Variants in OSBPL10 observed in about 807,000 individuals in gnomAD.
The protein encoded by OSBPL10 is oxysterol-binding protein-related protein 10.
Under a neutral mutation model 81.7 loss-of-function variants are expected in OSBPL10, and 49 were observed. The ratio of observed to expected loss-of-function variants is 0.60; its 90% CI spans 0.48 to 0.76. The LOEUF is 0.76. OSBPL10 is among the 30% of genes least tolerant of loss of function. The pLI is 0.00. For missense variants in OSBPL10, 923 were observed against 987.8 expected, an observed-to-expected ratio of 0.93 and a Z score of 0.88; for synonymous variants, 419 against 383.6, an observed-to-expected ratio of 1.09 and a Z score of -1.08.
chr3:31,809,535 A>G (rs1489506545), intron 4 of OSBPL10, among the ~76,000 whole-genome samples: 1 of 152,220 alleles, frequency 6.6e-6, no homozygotes, highest in East Asian at 1.9e-4. Context: ...TAAAAGTGCC[A>G]GTAGGGTGGT....
At chr3:31,821,621 A>G (rs934411664) in intron 4 of OSBPL10, among the ~76,000 whole-genome samples, 1 of 152,150 alleles carries the variant, frequency 6.6e-6, no homozygotes, top group African/African-American at 2.4e-5. Flanking sequence ...AAACTGACTT[A>G]TTTTCAGAGA....
rs547419754 is a variant in OSBPL10 at position 31,961,587 on chromosome 3, T to C, written c.281+19312A>G. ...GGGCTGGGCTAATTATTGGTGTCTT[T>C]TGACATTTGTATTTTATTTATTTAT... On this transcript the variant is annotated intron_variant, in intron 1 of 11. Coordinates refer to ENST00000396556, the MANE Select transcript of OSBPL10 (RefSeq NM_017784.5). Among the ~76,000 whole-genome samples the C allele has an allele frequency of 2.4e-4, 37 of 152,144 alleles. 1 individual carries two copies. In the South Asian group the frequency reaches 7.7e-3, roughly 32 times the overall value.
intron 2 of OSBPL10, among the ~76,000 whole-genome samples, chr3:32,004,395 A>C (rs913506671): frequency 6.6e-6 from 1 of 152,220 alleles, no homozygotes; most frequent in Non-Finnish European, 1.5e-5. Context: ...GAAGGATTGC[A>C]TATTAATTCT....
intron 3 of OSBPL10, among the ~76,000 whole-genome samples, chr3:31,842,907 C>T (rs536137279): frequency 2.6e-5 from 4 of 152,120 alleles, no homozygotes; most frequent in African/African-American, 7.2e-5. Context: ...CATAATAGAA[C>T]GCTATCATTT....
intron 4 of OSBPL10, among the ~76,000 whole-genome samples, chr3:31,766,507 T>A (rs1330492859): frequency 1.3e-5 from 2 of 151,846 alleles, no homozygotes; most frequent in African/African-American, 2.4e-5. Flanking sequence ...GACACCCAGA[T>A]AATTTTTATT....
intron 5 of OSBPL10, among the ~76,000 whole-genome samples, chr3:31,741,705 G>A (rs1048045146): frequency 4.6e-5 from 7 of 152,154 alleles, no homozygotes; most frequent in Non-Finnish European, 8.8e-5. Context: ...ATATCCTATT[G>A]ATATGGTTTG....
At chr3:32,009,937 A>T (rs1235643184) in intron 2 of OSBPL10, among the ~76,000 whole-genome samples, 1 of 152,168 alleles carries the variant, frequency 6.6e-6, no homozygotes, top group Non-Finnish European at 1.5e-5. Flanking sequence ...TTATAGGCTG[A>T]ATTGTTTCCC....
At chr3:31,724,109 C>T (rs949994611) in intron 6 of OSBPL10, among the ~76,000 whole-genome samples, 2 of 152,112 alleles carry the variant, frequency 1.3e-5, no homozygotes, top group African/African-American at 4.8e-5. Context: ...TCAGATCTGA[C>T]TTTTTCCCTT....
At chr3:32,026,057 T>TGATAGATAGATAGATA (rs11385805) in intron 2 of OSBPL10, among the ~76,000 whole-genome samples, 16 of 111,344 alleles carry the variant, frequency 1.4e-4, no homozygotes, top group African/African-American at 3.1e-4. Flanking sequence ...GATAGATAGA[T>TGATAGATAGATAGATA]GATAGATAGA....
chr3:31,670,940 G>A lies in OSBPL10; in HGVS notation c.1770C>T (p.Thr590=), dbSNP rs879249481. 6.2e-7 allele frequency: 1 copy of A among 1,613,986 alleles called. No homozygotes were observed. Among genetic ancestry groups the A allele is most frequent in the South Asian group, 1.1e-5 (1 of 91,046 alleles). ...TGGACCGGGCGTAGGCACTAGGCAGGGTGAATACGTACTCCTCCCCGTGTT... is the reference window on the plus strand; with the variant it reads ...TGGACCGGGCGTAGGCACTAGGCAGAGTGAATACGTACTCCTCCCCGTGTT... ...LLEHGEEYVF[T]LPSAYARSIL... is the part of the protein sequence containing the mutation. The change falls in exon 9 of 12, where the codon ACC becomes ACT. Residue 590 remains threonine (T), a synonymous_variant. Coordinates refer to ENST00000396556, the MANE Select transcript of OSBPL10 (RefSeq NM_017784.5).
At chr3:31,929,476 G>GATATTTTACAAAAA (rs1697172528) in intron 1 of OSBPL10, among the ~76,000 whole-genome samples, 1 of 152,098 alleles carries the variant, frequency 6.6e-6, no homozygotes, top group Non-Finnish European at 1.5e-5. Flanking sequence ...GGCCGGGCGC[G>GATATTTTACAAAAA]GTGGCTCACG....
intron 3 of OSBPL10, among the ~76,000 whole-genome samples, chr3:31,841,288 TAA>T (rs1275895938): frequency 6.6e-6 from 1 of 152,230 alleles, no homozygotes; most frequent in Non-Finnish European, 1.5e-5. Context: ...AGGACTTGAG[TAA>T]ACAGAGCCAA....
At chr3:31,932,804 A>G (rs1697285732) in intron 1 of OSBPL10, among the ~76,000 whole-genome samples, 1 of 152,108 alleles carries the variant, frequency 6.6e-6, no homozygotes, top group Non-Finnish European at 1.5e-5. Context: ...CATTTTATCC[A>G]TATTCTTATT....
chr3:31,740,045 CTTTTTT>C (rs33919556), intron 5 of OSBPL10, among the ~76,000 whole-genome samples: 2 of 135,880 alleles, frequency 1.5e-5, no homozygotes, highest in African/African-American at 2.7e-5. Context: ...ATGAATAATA[CTTTTTT>C]TTTTTTTTTT....
chr3:31,688,512 C>T (rs978379687), intron 7 of OSBPL10, among the ~76,000 whole-genome samples: 1 of 152,110 alleles, frequency 6.6e-6, no homozygotes, highest in Non-Finnish European at 1.5e-5. Context: ...TATTAATGCA[C>T]ACGTTTCAAA....
At chr3:31,857,431 A>G (rs1176591183) in intron 3 of OSBPL10, among the ~76,000 whole-genome samples, 3 of 152,106 alleles carry the variant, frequency 2.0e-5, no homozygotes, top group Admixed American at 2.0e-4. Flanking sequence ...AAGACTTTCA[A>G]GTGAAGAATA....
chr3:31,799,399 AAAAAAAAT>A (rs1699320937), intron 4 of OSBPL10, among the ~76,000 whole-genome samples: 1 of 151,080 alleles, frequency 6.6e-6, no homozygotes, highest in Non-Finnish European at 1.5e-5. Flanking sequence ...AAAAAAAAAA[AAAAAAAAT>A]GGAAGAAAGA....
chr3:31,819,057 A>G (rs1699920152), intron 4 of OSBPL10, among the ~76,000 whole-genome samples: 2 of 152,264 alleles, frequency 1.3e-5, no homozygotes, highest in Admixed American at 6.5e-5. Context: ...AAGGACAGAT[A>G]GGACACATCT....
chr3:31,981,188 G>C lies in OSBPL10; in HGVS notation c.-9C>G, dbSNP rs76150980. The C allele has an allele frequency of 0.083, 117,922 of 1,421,172 alleles. 7,855 individuals carry two copies. Among genetic ancestry groups the C allele is most frequent in the East Asian group, 0.44 (14,211 of 32,328 alleles). The allele number at this position is 1,421,172 out of a possible 1,614,324, so 88.0% of individuals were successfully genotyped here. A position where few individuals can be genotyped will look rare whatever the true frequency, so the allele number is the denominator to read the frequency against. ...TGGACTGCCCTCTCCATGGTCCGTGGGCGCCCGGGACGCGGGTGCCCGCCG... is the reference window on the plus strand; with the variant it reads ...TGGACTGCCCTCTCCATGGTCCGTGCGCGCCCGGGACGCGGGTGCCCGCCG... On this transcript the variant is annotated 5_prime_UTR_variant, in exon 1 of 12. Transcript: ENST00000396556. This position sits in a 1 kb window ranked among gnomAD's most constrained non-coding sequence, Gnocchi z 4.5.
Sources: gnomAD v4.1 joint callset for allele counts (sites outside exome capture counted in the v4.1 genomes callset) on GRCh38, gnomAD v4.1.1 for gene constraint, Gnocchi (gnomAD v3.1) non-coding constraint, MANE v1.5 for transcripts, NCBI Gene and HGNC (gene_info 2026-07-23, HGNC 2026-07-21) for gene names.